The following UGT2B11 variants were observed in gnomAD, a reference collection of about 807,000 sequenced individuals.
UGT2B11 encodes UDP glucuronosyltransferase family 2 member B11.
A neutral mutation model predicts 51.7 loss-of-function variants in UGT2B11; 49 were observed. That is an observed-to-expected ratio of 0.95 (90% CI 0.75 to 1.20). UGT2B11 has a LOEUF of 1.20. Ranked by LOEUF, UGT2B11 falls within the 50% of genes most tolerant of loss-of-function variation. The pLI is 0.00. For missense variants in UGT2B11, 810 were observed against 622.1 expected (o/e 1.30, Z -3.21); for synonymous variants, 273 against 209.0 (o/e 1.31, Z -2.64).
At chr4:69,220,007 A>G in the UGT2B11 span, among the ~76,000 whole-genome samples, 1 of 152,164 alleles carries the variant, frequency 6.6e-6, no homozygotes, top group Non-Finnish European at 1.5e-5. Context: ...CTTTTTGCCT[A>G]TGAGCCTAAA....
chr4:69,221,778 C>A, the UGT2B11 span, among the ~76,000 whole-genome samples: 1 of 152,212 alleles, frequency 6.6e-6, no homozygotes, highest in Non-Finnish European at 1.5e-5. Flanking sequence ...AGGAAGTCCA[C>A]TTCCTGGCCC....
chr4:69,224,887 A>T, the UGT2B11 span, among the ~76,000 whole-genome samples: 1 of 152,160 alleles, frequency 6.6e-6, no homozygotes, highest in Non-Finnish European at 1.5e-5. Flanking sequence ...CGGGAAATAC[A>T]TGTGTGGGAA....
chr4:69,223,611 T>C, the UGT2B11 span, among the ~76,000 whole-genome samples: 2 of 152,306 alleles, frequency 1.3e-5, no homozygotes, highest in African/African-American at 4.8e-5. Flanking sequence ...AGGCCCAATT[T>C]ACGTGGGCCT....
chr4:69,221,993 CA>C, the UGT2B11 span, among the ~76,000 whole-genome samples: 1 of 152,388 alleles, frequency 6.6e-6, no homozygotes, highest in Non-Finnish European at 1.5e-5. Flanking sequence ...AGTGTCCTTG[CA>C]AACCGCACTG....
the UGT2B11 span, among the ~76,000 whole-genome samples, chr4:69,220,014 T>A: frequency 6.6e-6 from 1 of 152,126 alleles, no homozygotes; most frequent in African/African-American, 2.4e-5. Flanking sequence ...CCTATGAGCC[T>A]AAAAAACAAA....
intron 2 of UGT2B11, among the ~76,000 whole-genome samples, chr4:69,209,239 T>TA (rs1026913326): frequency 5.3e-5 from 8 of 151,778 alleles, no homozygotes; most frequent in African/African-American, 1.9e-4. Flanking sequence ...GGTTTTTGTT[T>TA]AGGTGGAGCA....
the UGT2B11 span, among the ~76,000 whole-genome samples, chr4:69,224,310 G>A: frequency 6.6e-6 from 1 of 152,090 alleles, no homozygotes; most frequent in East Asian, 1.9e-4. Flanking sequence ...AGGGGCCATG[G>A]TCTCAACCAG....
At chr4:69,204,168 T>C (rs1438523187) in intron 5 of UGT2B11, 2 of 271,210 alleles carry the variant, frequency 7.4e-6, no homozygotes, top group Admixed American at 5.2e-5. Context: ...TTTTAAGAAA[T>C]GTATTTTTTA....
intron 5 of UGT2B11, among the ~76,000 whole-genome samples, chr4:69,203,665 A>G (rs1047568042): frequency 4.6e-5 from 7 of 151,926 alleles, no homozygotes; most frequent in African/African-American, 1.7e-4. Flanking sequence ...GAAATGAAGT[A>G]TTATAACACA....
intron 3 of UGT2B11, 113 bp downstream of exon 3, chr4:69,208,238 A>G (rs1721930269): frequency 6.5e-7 from 1 of 1,547,100 alleles, no homozygotes; most frequent in Non-Finnish European, 8.7e-7. Flanking sequence ...ATATTTAAGG[A>G]TGTATTTGGA....
At chr4:69,213,878 A>C (rs1388946338) in intron 1 of UGT2B11, 124 bp downstream of exon 1, 1 of 1,321,372 alleles carries the variant, frequency 7.6e-7, no homozygotes, top group South Asian at 1.8e-5. Context: ...ATCATCTTGT[A>C]TTTTCATTTC....
chr4:69,219,133 G>T (rs1170971203), upstream of UGT2B11, among the ~76,000 whole-genome samples: 1 of 151,656 alleles, frequency 6.6e-6, no homozygotes, highest in African/African-American at 2.4e-5. Context: ...CCAAAGATCT[G>T]TTCAAATTAT....
intron 2 of UGT2B11, among the ~76,000 whole-genome samples, chr4:69,212,054 C>A (rs1480785142): frequency 6.6e-6 from 1 of 151,398 alleles, no homozygotes; most frequent in Non-Finnish European, 1.5e-5. Flanking sequence ...ATTTTTTAGC[C>A]CTCATCTTAC....
At position 69,204,626 on chromosome 4, in the gene UGT2B11, T is replaced by C. The variant is rs760667684; in HGVS notation, c.1114A>G (p.Ile372Val). 23 of 1,611,778 alleles carry C rather than the reference T, an allele frequency of 1.4e-5. No individual in the cohort carries two copies. In the African/African-American group the frequency reaches 2.9e-4, roughly 21 times the overall value. Residue 372 changes from isoleucine (I) to valine (V), a missense_variant, in exon 5 of 6, where the codon ATA becomes GTA. Coordinates refer to ENST00000446444, the MANE Select transcript of UGT2B11 (RefSeq NM_001073.3). ...ATGCCATTGGCTCCACCATGAGTTA[T>C]AAAAGCTCTGGTTTTTGGATGACCT... ...LLGHPKTRAF[I>V]THGGANGIYE... is the part of the protein sequence containing the mutation.
At chr4:69,206,486 G>A (rs1460675191) in intron 3 of UGT2B11, among the ~76,000 whole-genome samples, 1 of 151,434 alleles carries the variant, frequency 6.6e-6, no homozygotes, top group Non-Finnish European at 1.5e-5. Context: ...GGTGGAGGGT[G>A]GGAGGAAAGA....
chr4:69,212,961 C>G (rs964618307), intron 1 of UGT2B11, among the ~76,000 whole-genome samples: 1 of 151,280 alleles, frequency 6.6e-6, no homozygotes, highest in South Asian at 2.1e-4. Context: ...AATGTCAAGT[C>G]AGTATACTCA....
At chr4:69,202,874 T>C (rs1195208308) in intron 5 of UGT2B11, among the ~76,000 whole-genome samples, 1 of 151,684 alleles carries the variant, frequency 6.6e-6, no homozygotes, top group Non-Finnish European at 1.5e-5. Context: ...TGGGATAAAG[T>C]ATTTTTAAAG....
Position 69,205,935 on chromosome 4 carries a change from C to T in UGT2B11, c.1003-368G>A, listed in dbSNP as rs558214533. Among the ~76,000 whole-genome samples the T allele has an allele frequency of 2.0e-5, 3 of 151,736 alleles. No individual in the cohort carries two copies. The South Asian group carries it at 6.2e-4, about 31-fold the overall frequency. On this transcript the variant is annotated intron_variant, in intron 3 of 5. Transcript: ENST00000446444. Reference sequence around the variant, plus strand: ...AAAACCATAATGAGATAGCATCTCACACCAATCAGAATGGCCATTATTAAA... The same window carrying T: ...AAAACCATAATGAGATAGCATCTCATACCAATCAGAATGGCCATTATTAAA...
At chr4:69,213,920 T>C in intron 1 of UGT2B11, 82 bp downstream of exon 1, 1 of 1,462,566 alleles carries the variant, frequency 6.8e-7, no homozygotes, top group Non-Finnish European at 9.0e-7. Context: ...TCCACTTCCC[T>C]GACTTTATGG....
Sources: gnomAD v4.1 joint callset for allele counts (sites outside exome capture counted in the v4.1 genomes callset) on GRCh38, gnomAD v4.1.1 for gene constraint, MANE v1.5 for transcripts, NCBI Gene and HGNC (gene_info 2026-07-23, HGNC 2026-07-21) for gene names.